SLC8A1: variants seen among roughly 807,000 people sequenced by gnomAD.
The protein encoded by SLC8A1 is solute carrier family 8 member A1, also known as sodium/calcium exchanger 1.
A neutral mutation model predicts 68.3 loss-of-function variants in SLC8A1; 18 were observed. The ratio of observed to expected loss-of-function variants is 0.26; its 90% CI spans 0.18 to 0.39. SLC8A1 has a LOEUF of 0.39. Ranked by LOEUF, SLC8A1 falls within the 10% of genes least tolerant of loss-of-function variation. SLC8A1 has a pLI of 1.00. For missense variants in SLC8A1, 985 were observed against 1,156.7 expected (o/e 0.85, Z 2.15); for synonymous variants, 475 against 415.5 (o/e 1.14, Z -1.74).
chr2:40,432,943 T>C (rs1698657835), intron 1 of SLC8A1, among the ~76,000 whole-genome samples: 1 of 152,090 alleles, frequency 6.6e-6, no homozygotes, highest in Admixed American at 6.5e-5. Context: ...ACATTTAAAA[T>C]GGTGAAAGAA....
rs145561113 is a variant in SLC8A1 at position 40,276,327 on chromosome 2, G to A, written c.1809-98472C>T. 1.1e-3 allele frequency among the ~76,000 whole-genome samples: 160 copies of A among 152,290 alleles called. 1 individual carries two copies. The highest frequency in any genetic ancestry group is 3.7e-3 in the African/African-American group (153 of 41,558). ...TGAGTGTCTTTATAAGGGAGGTATT[G>A]TTGAAGTATGTGGTGACGGACTGAG... On this transcript the variant is annotated intron_variant, in intron 2 of 7. Coordinates refer to ENST00000406785, the Ensembl canonical transcript of SLC8A1.
intron 2 of SLC8A1, among the ~76,000 whole-genome samples, chr2:40,231,637 C>G (rs554924663): frequency 1.3e-5 from 2 of 152,132 alleles, no homozygotes; most frequent in Non-Finnish European, 2.9e-5. Context: ...TCCCCTCACA[C>G]TGATCTCCTC....
chr2:40,271,173 C>G (rs535537493), intron 2 of SLC8A1, among the ~76,000 whole-genome samples: 2 of 108,374 alleles, frequency 1.8e-5, no homozygotes, highest in African/African-American at 1.0e-4. Context: ...CCCCCAAGCC[C>G]CCCTCATATG....
At chr2:40,505,373 T>A (rs993210967) in intron 1 of SLC8A1, among the ~76,000 whole-genome samples, 3 of 151,906 alleles carry the variant, frequency 2.0e-5, no homozygotes, top group African/African-American at 7.2e-5. Context: ...AAAGGATAGA[T>A]GCTTGAGGCG....
intron 2 of SLC8A1, among the ~76,000 whole-genome samples, chr2:40,359,709 G>C (rs1673946264): frequency 1.3e-5 from 2 of 152,074 alleles, no homozygotes; most frequent in African/African-American, 4.8e-5. Flanking sequence ...CAGAAATCAT[G>C]TTGGGAAAAC....
At chr2:40,258,236 G>C (rs185574376) in intron 2 of SLC8A1, among the ~76,000 whole-genome samples, 7 of 152,162 alleles carry the variant, frequency 4.6e-5, no homozygotes, top group Non-Finnish European at 2.9e-5. Flanking sequence ...CGGATGTAGT[G>C]CTCAGCAATT....
At chr2:40,494,895 C>T (rs1294349769) in intron 1 of SLC8A1, among the ~76,000 whole-genome samples, 5 of 151,234 alleles carry the variant, frequency 3.3e-5, no homozygotes, top group Admixed American at 3.3e-4. Context: ...TATGCTTTCT[C>T]ATCTACTCTC....
intron 2 of SLC8A1, among the ~76,000 whole-genome samples, chr2:40,290,883 A>T (rs1559115034): frequency 6.6e-6 from 1 of 152,202 alleles, no homozygotes; most frequent in African/African-American, 2.4e-5. Flanking sequence ...AACTGAACAG[A>T]AAGTTTCAAG....
chr2:40,145,719 C>A (rs902096832), intron 6 of SLC8A1, among the ~76,000 whole-genome samples: 1 of 152,248 alleles, frequency 6.6e-6, no homozygotes, highest in East Asian at 1.9e-4. Context: ...TTTTTGTTCC[C>A]TAGTTTGCAT....
upstream of SLC8A1, chr2:40,453,501 T>G (rs1476542527): frequency 6.6e-6 from 1 of 152,134 alleles, no homozygotes; most frequent in African/African-American, 2.4e-5. Flanking sequence ...ATGGAAGAAA[T>G]AGCCTCTTCT....
intron 2 of SLC8A1, among the ~76,000 whole-genome samples, chr2:40,286,104 C>T (rs2068260204): frequency 6.6e-6 from 1 of 152,202 alleles, no homozygotes; most frequent in Middle Eastern, 3.2e-3. Context: ...GTGTCTAGTA[C>T]ACGACAGACA....
chr2:40,108,745 G>A (rs951334296), exon 8 of SLC8A1: 1 of 152,126 alleles, frequency 6.6e-6, no homozygotes, highest in African/African-American at 2.4e-5. Flanking sequence ...ACGTCAAAAA[G>A]TGGTTACATA....
At chr2:40,359,943 A>AC (rs987431666) in intron 2 of SLC8A1, among the ~76,000 whole-genome samples, 29 of 152,178 alleles carry the variant, frequency 1.9e-4, no homozygotes, top group African/African-American at 6.5e-4. Flanking sequence ...AAAAAAAAAA[A>AC]AAAACAGATA....
At chr2:40,240,372 T>C (rs2061049407) in intron 2 of SLC8A1, among the ~76,000 whole-genome samples, 1 of 152,118 alleles carries the variant, frequency 6.6e-6, no homozygotes, top group Admixed American at 6.6e-5. Context: ...ATTCAGGATG[T>C]GATTGTTTTG....
chr2:40,110,822 T>G (rs902364234), exon 8 of SLC8A1: 1 of 152,156 alleles, frequency 6.6e-6, no homozygotes, highest in African/African-American at 2.4e-5. Context: ...TTTATTCTCT[T>G]GAGAAGGCAA....
rs533500344 is a variant in SLC8A1, at chr2:40,406,392, T to A, written c.1808+22081A>T. 2.0e-5 allele frequency among the ~76,000 whole-genome samples: 3 copies of A among 152,250 alleles called. No individual in the cohort carries two copies. The South Asian group carries it at 6.2e-4, about 32-fold the overall frequency. ...CAGGCCATTTTAATAGTTCTATTAT[T>A]AAATATATAATAAACATGATTACTT... is the stretch of plus-strand genomic sequence containing the variant. On this transcript the variant is annotated intron_variant, in intron 2 of 7. Transcript: ENST00000406785.
At chr2:40,381,803 A>G (rs1333429299) in intron 2 of SLC8A1, among the ~76,000 whole-genome samples, 1 of 151,048 alleles carries the variant, frequency 6.6e-6, no homozygotes, top group Non-Finnish European at 1.5e-5. Flanking sequence ...CACCATCTGG[A>G]CAAAGAGAAG....
At chr2:40,253,245 A>C (rs1175817249) in intron 2 of SLC8A1, among the ~76,000 whole-genome samples, 5 of 150,248 alleles carry the variant, frequency 3.3e-5, no homozygotes, top group African/African-American at 1.2e-4. Context: ...GTGCGTATAT[A>C]CACATATGTA....
chr2:40,425,746 C>T (rs1261289188), intron 2 of SLC8A1, among the ~76,000 whole-genome samples: 2 of 151,792 alleles, frequency 1.3e-5, no homozygotes. Context: ...ATGACAAACT[C>T]TTTCACTTGG....
Sources: gnomAD v4.1 joint callset for allele counts (sites outside exome capture counted in the v4.1 genomes callset) on GRCh38, gnomAD v4.1.1 for gene constraint, MANE v1.5 for transcripts, NCBI Gene and HGNC (gene_info 2026-07-23, HGNC 2026-07-21) for gene names.